The following UNC5D variants were observed in gnomAD, a reference collection of about 807,000 sequenced individuals.
The protein encoded by UNC5D is unc-5 netrin receptor D.
UNC5D carries 39 observed loss-of-function variants against 105.4 expected under a neutral mutation model. The ratio of observed to expected loss-of-function variants is 0.37; its 90% CI spans 0.29 to 0.48. UNC5D has a LOEUF of 0.48. Among genes scored for constraint, UNC5D ranks in the 20% least tolerant of loss-of-function variants. The probability of loss-of-function intolerance (pLI) is 0.98; values close to 1 mark genes in which losing one functional copy is unlikely to be tolerated. For missense variants in UNC5D, 991 were observed against 1,202.4 expected (o/e 0.82, Z 2.60); for synonymous variants, 452 against 450.4 (o/e 1.00, Z -0.04).
intron 1 of UNC5D, among the ~76,000 whole-genome samples, chr8:35,301,817 T>G (rs2128871163): frequency 6.6e-6 from 1 of 152,268 alleles, no homozygotes; most frequent in South Asian, 2.1e-4. Context: ...GGGAACTTTT[T>G]TTGTTTTCAC....
chr8:35,398,318 A>G (rs951679155), intron 1 of UNC5D, among the ~76,000 whole-genome samples: 6 of 152,084 alleles, frequency 3.9e-5, no homozygotes, highest in African/African-American at 1.4e-4. Flanking sequence ...TATATATAAC[A>G]ACCTATCATT....
intron 1 of UNC5D, among the ~76,000 whole-genome samples, chr8:35,423,991 G>A (rs1413603270): frequency 1.3e-5 from 2 of 151,948 alleles, no homozygotes; most frequent in East Asian, 3.9e-4. Context: ...GTAGAGATGG[G>A]GTCTTGCTAT....
At chr8:35,712,775 ACTGT>A (rs1359831303) in intron 8 of UNC5D, among the ~76,000 whole-genome samples, 1 of 152,082 alleles carries the variant, frequency 6.6e-6, no homozygotes, top group Non-Finnish European at 1.5e-5. Flanking sequence ...AATCCACAAA[ACTGT>A]CTGTGTCTTT....
At chr8:35,741,370 A>G (rs1197615890) in intron 11 of UNC5D, among the ~76,000 whole-genome samples, 1 of 151,924 alleles carries the variant, frequency 6.6e-6, no homozygotes, top group Non-Finnish European at 1.5e-5. Context: ...CCTATTTCAG[A>G]TAATAGCGTG....
rs539704101 is a variant in UNC5D at position 35,657,488 on chromosome 8, A to AT, written c.571-26053dup. Among the ~76,000 whole-genome samples the AT allele has an allele frequency of 2.0e-3, 297 of 151,320 alleles. 3 individuals are homozygous for AT. Among genetic ancestry groups the AT allele is most frequent in the African/African-American group, 6.5e-3 (266 of 41,124 alleles). On this transcript the variant is annotated intron_variant, in intron 4 of 16. Coordinates refer to ENST00000404895, the MANE Select transcript of UNC5D (RefSeq NM_080872.4). ...TGCCTGATAGAATATTGTGATCATT[A>AT]TTTTTTATTTTTTAGAGGTAAGGTC...
intron 16 of UNC5D, among the ~76,000 whole-genome samples, chr8:35,776,554 A>C (rs887861976): frequency 7.2e-5 from 11 of 152,126 alleles, no homozygotes; most frequent in African/African-American, 2.4e-4. Flanking sequence ...GTCAGTGGCT[A>C]CCCTGGAGCC....
chr8:35,591,010 TA>T (rs1351615442), intron 3 of UNC5D, among the ~76,000 whole-genome samples: 1 of 152,246 alleles, frequency 6.6e-6, no homozygotes, highest in Admixed American at 6.5e-5. Context: ...TATTTAAGTT[TA>T]AAACTTTTAA....
At chr8:35,525,479 C>T in intron 1 of UNC5D, 2 of 1,612,244 alleles carry the variant, frequency 1.2e-6, no homozygotes, top group East Asian at 2.2e-5. Flanking sequence ...GCTTCTCCTC[C>T]TTCTCTGTCC....
At chr8:35,643,582 A>G (rs932401374) in intron 4 of UNC5D, among the ~76,000 whole-genome samples, 5 of 152,072 alleles carry the variant, frequency 3.3e-5, no homozygotes, top group African/African-American at 1.2e-4. Flanking sequence ...GTTCCACCAT[A>G]TTAGTCCGGC....
chr8:35,535,993 G>A (rs954011533), intron 1 of UNC5D, among the ~76,000 whole-genome samples: 2 of 152,168 alleles, frequency 1.3e-5, no homozygotes, highest in African/African-American at 4.8e-5. Context: ...CAGCTAAATA[G>A]TAAGAAAGCC....
In UNC5D at chr8:35,792,086, G is replaced by C. The variant is rs1803069870; in HGVS notation, c.*1523G>C. 1 of 152,148 alleles carries C rather than the reference G, an allele frequency of 6.6e-6. No individual in the cohort carries two copies. The highest frequency in any genetic ancestry group is 2.1e-4 in the South Asian group (1 of 4,820). The allele number at this position is 152,148 out of a possible 1,614,324, so 9.4% of individuals were successfully genotyped here. ...AAGGCAGCTAGTCAGCTACTTAGAG[G>C]TTGGTTACATTCGAATAAAAAGTAG... is the stretch of plus-strand genomic sequence containing the variant. On this transcript the variant is annotated 3_prime_UTR_variant, in exon 17 of 17. Coordinates refer to ENST00000404895, the MANE Select transcript of UNC5D (RefSeq NM_080872.4).
chr8:35,724,331 C>A, intron 9 of UNC5D: 1 of 1,529,810 alleles, frequency 6.5e-7, no homozygotes, highest in Non-Finnish European at 8.7e-7. Flanking sequence ...TGGTAATCTG[C>A]CTCATGCTGA....
chr8:35,730,816 C>A (rs1300095529), intron 10 of UNC5D, among the ~76,000 whole-genome samples, 196 bp from the exon 11 acceptor site: 1 of 151,730 alleles, frequency 6.6e-6, no homozygotes, highest in African/African-American at 2.4e-5. Flanking sequence ...GAATAATATG[C>A]CCTTCCTTAT....
chr8:35,568,493 A>G (rs144987432), intron 3 of UNC5D, among the ~76,000 whole-genome samples: 1,886 of 152,344 alleles, frequency 0.012, 52 homozygotes, highest in African/African-American at 0.044. Flanking sequence ...GTTTGAGATG[A>G]GCCTGGCCAA....
chr8:35,650,058 C>G (rs1823304148), intron 4 of UNC5D, among the ~76,000 whole-genome samples: 1 of 152,118 alleles, frequency 6.6e-6, no homozygotes, highest in African/African-American at 2.4e-5. Flanking sequence ...AGTGTATTGT[C>G]TTTGAAACCT....
intron 1 of UNC5D, among the ~76,000 whole-genome samples, chr8:35,539,100 A>T (rs1815082752): frequency 6.6e-6 from 1 of 152,136 alleles, no homozygotes; most frequent in Admixed American, 6.6e-5. Context: ...TTTTATGAGG[A>T]GGTAATACCA....
intron 1 of UNC5D, among the ~76,000 whole-genome samples, chr8:35,538,191 CA>C (rs1257197539): frequency 2.0e-5 from 3 of 151,240 alleles, no homozygotes; most frequent in Admixed American, 6.6e-5. Context: ...CGGCTATAAG[CA>C]AAAGAGGGGG....
rs1388472358 is a variant in UNC5D, at chr8:35,792,818, A to G, written c.*2255A>G. 8.3e-5 allele frequency: 28 copies of G among 338,828 alleles called. No individual in the cohort carries two copies. The highest frequency in any genetic ancestry group is 4.1e-4 in the South Asian group (17 of 41,508). The allele number at this position is 338,828 out of a possible 1,614,324, so 21.0% of individuals were successfully genotyped here. On this transcript the variant is annotated 3_prime_UTR_variant, in exon 17 of 17. Transcript: ENST00000404895. Reference sequence around the variant, plus strand: ...TGTTTCATCTACTCTGTGAATCTACATAGGTCTTTTTTTTTAGATGTTTGA... The same window carrying G: ...TGTTTCATCTACTCTGTGAATCTACGTAGGTCTTTTTTTTTAGATGTTTGA...
chr8:35,767,019 C>T lies in UNC5D; in HGVS notation c.2431C>T (p.Leu811Phe). Residue 811 changes from leucine to phenylalanine, a missense_variant, in exon 15 of 17, where the codon CTC becomes TTC. Physicochemically the swap from Leu to Phe is conservative, Grantham distance 22 (BLOSUM62 0). Coordinates refer to ENST00000404895, the MANE Select transcript of UNC5D (RefSeq NM_080872.4). The stretch of plus-strand genomic sequence containing the variant: ...GTCCTGCAAAATCTGCATTCGGCAG[C>T]TCAAAGGCCATGAACAGATCCTCCA... Reference protein sequence around the residue: ...QLSCKICIRQLKGHEQILQVQ... With the variant: ...QLSCKICIRQFKGHEQILQVQ... 2 of 1,614,032 alleles carry T rather than the reference C, an allele frequency of 1.2e-6. No homozygotes were observed. The highest frequency in any genetic ancestry group is 2.2e-5 in the South Asian group (2 of 91,068).
Sources: allele counts gnomAD v4.1 joint callset (sites outside exome capture counted in the v4.1 genomes callset), GRCh38; gene constraint gnomAD v4.1.1; transcripts MANE v1.5; gene names NCBI Gene and HGNC (gene_info 2026-07-23, HGNC 2026-07-21).